FAM227B: variants seen among roughly 807,000 people sequenced by gnomAD.
The protein encoded by FAM227B is protein FAM227B.
Under a neutral mutation model 73.8 loss-of-function variants are expected in FAM227B, and 88 were observed. The observed-to-expected ratio is 1.19, with a 90% confidence interval of 1.00 to 1.42. The LOEUF (loss-of-function observed/expected upper bound fraction) is 1.42. Among genes scored for constraint, FAM227B ranks in the 40% most tolerant of loss-of-function variants. The pLI, the probability that FAM227B is intolerant of heterozygous loss-of-function variation, is 0.00. For missense variants in FAM227B, 632 were observed against 590.9 expected (o/e 1.07, Z -0.72); for synonymous variants, 210 against 190.5 (o/e 1.10, Z -0.84).
intron 11 of FAM227B, among the ~76,000 whole-genome samples, chr15:49,437,625 G>A (rs2051227641): frequency 6.6e-6 from 1 of 151,624 alleles, no homozygotes; most frequent in South Asian, 2.1e-4. Flanking sequence ...GGTTCTTTCA[G>A]TGTCTTAAGA....
rs139567874 is a variant in FAM227B at position 49,455,288 on chromosome 15, G to A, written c.1012+52923C>T. Among the ~76,000 whole-genome samples, 103 of 152,146 alleles carry A rather than the reference G, an allele frequency of 6.8e-4. 1 individual carries two copies. The highest frequency in any genetic ancestry group is 2.0e-3 in the African/African-American group (85 of 41,510). On this transcript the variant is annotated intron_variant, in intron 11 of 15. Coordinates refer to ENST00000299338, the MANE Select transcript of FAM227B (RefSeq NM_152647.3). ...GGCCATGGTATCCCTAATGTATAGC[G>A]CTTATATTTGTTATGAATTCATCTA... is the stretch of plus-strand genomic sequence containing the variant.
intron 11 of FAM227B, among the ~76,000 whole-genome samples, chr15:49,499,762 A>C (rs906121291): frequency 3.9e-5 from 6 of 152,228 alleles, no homozygotes; most frequent in African/African-American, 1.4e-4. Context: ...TAATTCGATG[A>C]GGAGAGGATA....
At position 49,328,165 on chromosome 15, in the gene FAM227B, T is replaced by C; in HGVS notation, c.*403A>G. 1 of 1,611,058 alleles carries C rather than the reference T, an allele frequency of 6.2e-7. No homozygotes were observed. The highest frequency in any genetic ancestry group is 1.1e-5 in the South Asian group (1 of 90,684). On this transcript the variant is annotated 3_prime_UTR_variant, in exon 16 of 16. Transcript: ENST00000299338. ...TGGTTTTGCTTGAGGCCTGAAAAAATGTAAAAAGTCTGAGAGAAACTACTT... is the reference window on the plus strand; with the variant it reads ...TGGTTTTGCTTGAGGCCTGAAAAAACGTAAAAAGTCTGAGAGAAACTACTT...
chr15:49,403,039 T>C (rs953168907), intron 11 of FAM227B, among the ~76,000 whole-genome samples: 8 of 152,196 alleles, frequency 5.3e-5, no homozygotes, highest in African/African-American at 1.4e-4. Flanking sequence ...GAGATAATCA[T>C]GTGGTTTTTG....
intron 9 of FAM227B, among the ~76,000 whole-genome samples, chr15:49,549,273 T>C (rs2072430995): frequency 6.7e-6 from 1 of 149,906 alleles, no homozygotes; most frequent in African/African-American, 2.5e-5. Flanking sequence ...TATTGTTTAA[T>C]TTCCACGTTT....
At chr15:49,335,119 G>T (rs1284880035) in intron 14 of FAM227B, among the ~76,000 whole-genome samples, 2 of 152,108 alleles carry the variant, frequency 1.3e-5, no homozygotes, top group Non-Finnish European at 2.9e-5. Flanking sequence ...GCTTATCTTT[G>T]TAAATGGACG....
rs1389952768 is a variant in FAM227B at position 49,489,804 on chromosome 15, TA to T, written c.1012+18406del. ...GAACAGGAGATATATATATATATTT[TA>T]TATATATATATATATTTTATATATA... On this transcript the variant is annotated intron_variant, in intron 11 of 15. Coordinates refer to ENST00000299338, the MANE Select transcript of FAM227B (RefSeq NM_152647.3). Among the ~76,000 whole-genome samples, 34 of 36,722 alleles carry T rather than the reference TA, an allele frequency of 9.3e-4. 3 individuals carry two copies. In the South Asian group the frequency reaches 0.019, roughly 21 times the overall value. 24.1% of individuals were successfully genotyped at this position (36,722 alleles called of 152,430 possible). A position where few individuals can be genotyped will look rare whatever the true frequency, so the allele number is the denominator to read the frequency against.
intron 5 of FAM227B, among the ~76,000 whole-genome samples, chr15:49,586,981 A>G (rs929187159): frequency 1.3e-5 from 2 of 151,878 alleles, no homozygotes; most frequent in Non-Finnish European, 2.9e-5. Flanking sequence ...TGATTTCTGA[A>G]AGAACTCAAA....
At chr15:49,422,890 G>A (rs1355421543) in intron 11 of FAM227B, among the ~76,000 whole-genome samples, 1 of 152,114 alleles carries the variant, frequency 6.6e-6, no homozygotes, top group Non-Finnish European at 1.5e-5. Flanking sequence ...AGAAATGCAT[G>A]TATCATAAAG....
At chr15:49,517,391 C>T (rs1334906250) in intron 10 of FAM227B, among the ~76,000 whole-genome samples, 1 of 152,028 alleles carries the variant, frequency 6.6e-6, no homozygotes, top group East Asian at 1.9e-4. Flanking sequence ...ACAAACATTT[C>T]CTCAACAAAG....
intron 2 of FAM227B, among the ~76,000 whole-genome samples, chr15:49,611,872 T>C (rs1357396537): frequency 6.6e-6 from 1 of 152,102 alleles, no homozygotes; most frequent in Admixed American, 6.5e-5. Flanking sequence ...CAAACCCTCT[T>C]TCAATCCTTT....
At position 49,424,404 on chromosome 15, in the gene FAM227B, C is replaced by T. The variant is rs758913734; in HGVS notation, c.1013-53005G>A. On this transcript the variant is annotated intron_variant, in intron 11 of 15. Transcript: ENST00000299338. ...ATATCTTTAGCTTGCAATGACATGACTCCAGAGCAAATGGCTACAAATGTG... is the reference window on the plus strand; with the variant it reads ...ATATCTTTAGCTTGCAATGACATGATTCCAGAGCAAATGGCTACAAATGTG... The T allele has an allele frequency of 1.4e-5, 23 of 1,613,556 alleles. No homozygotes were observed. In the African/African-American group the frequency reaches 2.4e-4, roughly 17 times the overall value.
At chr15:49,549,247 T>G (rs915154573) in intron 9 of FAM227B, among the ~76,000 whole-genome samples, 1 of 152,144 alleles carries the variant, frequency 6.6e-6, no homozygotes, top group Non-Finnish European at 1.5e-5. Flanking sequence ...CTTTCTTAAT[T>G]TCTTCATGAG....
At chr15:49,553,766 G>A (rs1015106779) in intron 9 of FAM227B, among the ~76,000 whole-genome samples, 1 of 152,168 alleles carries the variant, frequency 6.6e-6, no homozygotes, top group African/African-American at 2.4e-5. Context: ...GTTGAATGCT[G>A]CCTGGCCTGG....
chr15:49,537,018 T>C (rs2070371246), intron 10 of FAM227B, among the ~76,000 whole-genome samples: 1 of 152,096 alleles, frequency 6.6e-6, no homozygotes, highest in South Asian at 2.1e-4. Flanking sequence ...TGATGAATAT[T>C]TGGATATCAT....
chr15:49,399,656 C>G (rs921516488), intron 11 of FAM227B, among the ~76,000 whole-genome samples: 10 of 150,722 alleles, frequency 6.6e-5, no homozygotes, highest in African/African-American at 1.7e-4. Flanking sequence ...CCACCATGAT[C>G]AAGTGGGCTT....
intron 9 of FAM227B, among the ~76,000 whole-genome samples, chr15:49,564,223 CAT>C (rs567861383): frequency 2.6e-4 from 40 of 152,198 alleles, no homozygotes; most frequent in South Asian, 6.2e-4. Context: ...ACGCAGCAAA[CAT>C]GTGAAAAAAT....
chr15:49,500,606 T>C (rs1249323410), intron 11 of FAM227B, among the ~76,000 whole-genome samples: 1 of 152,128 alleles, frequency 6.6e-6, no homozygotes, highest in East Asian at 1.9e-4. Context: ...CCATAACAAG[T>C]GTTAGTAAGG....
intron 13 of FAM227B, chr15:49,366,803 C>T (rs2045293528): frequency 1.8e-6 from 1 of 564,660 alleles, no homozygotes; most frequent in Non-Finnish European, 3.1e-6. Flanking sequence ...GGGATCGCCG[C>T]TGCTGCAGGG....
Sources: allele counts gnomAD v4.1 joint callset (sites outside exome capture counted in the v4.1 genomes callset), GRCh38; gene constraint gnomAD v4.1.1; transcripts MANE v1.5; gene names NCBI Gene and HGNC (gene_info 2026-07-23, HGNC 2026-07-21).